NEK10: variants seen among roughly 807,000 people sequenced by gnomAD.
NEK10 encodes serine/threonine-protein kinase Nek10.
NEK10 carries 122 observed loss-of-function variants against 159.8 expected under a neutral mutation model. That is an observed-to-expected ratio of 0.76 (90% CI 0.66 to 0.89). The LOEUF is 0.89. NEK10 is among the 40% of genes least tolerant of loss of function. The probability of loss-of-function intolerance (pLI) is 0.00; values close to 1 mark genes in which losing one functional copy is unlikely to be tolerated. For missense variants in NEK10, 1,342 were observed against 1,323.1 expected, an observed-to-expected ratio of 1.01 and a Z score of -0.22; for synonymous variants, 466 against 457.1, an observed-to-expected ratio of 1.02 and a Z score of -0.25.
At chr3:27,114,955 C>G (rs958205474) in intron 35 of NEK10, among the ~76,000 whole-genome samples, 5 of 152,182 alleles carry the variant, frequency 3.3e-5, no homozygotes, top group Admixed American at 3.3e-4. Context: ...CACTTCAAAG[C>G]ACGCTGGCAG....
rs754164243 is a variant in NEK10, at chr3:27,322,167, T to C, written c.447+10A>G. ...CAAGTAAAAAAAAAAATTGTATTTT[T>C]CCAACCAACCTGATAACATGGATCC... is the stretch of plus-strand genomic sequence containing the variant. On this transcript the variant is annotated intron_variant, in intron 6 of 35. Transcript: ENST00000691995. 49 of 1,472,630 alleles carry C rather than the reference T, an allele frequency of 3.3e-5. No individual in the cohort carries two copies. Among genetic ancestry groups the C allele is most frequent in the Non-Finnish European group, 4.2e-5 (46 of 1,085,022 alleles). The allele number at this position is 1,472,630 out of a possible 1,614,324, so 91.2% of individuals were successfully genotyped here. A position where few individuals can be genotyped will look rare whatever the true frequency, so the allele number is the denominator to read the frequency against.
intron 22 of NEK10, among the ~76,000 whole-genome samples, chr3:27,266,411 T>C (rs1377084995): frequency 6.6e-6 from 1 of 152,180 alleles, no homozygotes; most frequent in African/African-American, 2.4e-5. Flanking sequence ...TTTGCAACTG[T>C]TCCTGCACCA....
intron 29 of NEK10, among the ~76,000 whole-genome samples, chr3:27,170,730 T>TA (rs1175936376): frequency 6.6e-6 from 1 of 151,888 alleles, no homozygotes; most frequent in African/African-American, 2.4e-5. Context: ...ATCTCAACAA[T>TA]AATAATAATA....
chr3:27,345,332 G>A (rs1227653237), intron 4 of NEK10, among the ~76,000 whole-genome samples: 1 of 152,128 alleles, frequency 6.6e-6, no homozygotes, highest in South Asian at 2.1e-4. Context: ...AAGTATTTAA[G>A]TGTTCCTCAC....
At chr3:27,263,019 T>C (rs562873407) in intron 22 of NEK10, among the ~76,000 whole-genome samples, 1 of 152,334 alleles carries the variant, frequency 6.6e-6, no homozygotes, top group African/African-American at 2.4e-5. Flanking sequence ...TCCTGTTTGT[T>C]AGTTTTCCTT....
At chr3:27,203,004 AC>A (rs1336931468) in intron 23 of NEK10, among the ~76,000 whole-genome samples, 1 of 152,152 alleles carries the variant, frequency 6.6e-6, no homozygotes, top group Non-Finnish European at 1.5e-5. Flanking sequence ...AGTGACAATA[AC>A]CTGATTAGAG....
chr3:27,204,596 G>T, intron 23 of NEK10, among the ~76,000 whole-genome samples: 2 of 122,866 alleles, frequency 1.6e-5, no homozygotes, highest in Non-Finnish European at 1.7e-5. Flanking sequence ...TACTGAGAAT[G>T]ATGATTTCCA....
intron 2 of NEK10, 115 bp downstream of exon 2, chr3:27,352,697 C>G (rs2149825068): frequency 2.4e-6 from 2 of 830,882 alleles, no homozygotes; most frequent in Non-Finnish European, 4.1e-6. Flanking sequence ...TCAGTAAGCA[C>G]TGTAACTCTG....
intron 26 of NEK10, among the ~76,000 whole-genome samples, chr3:27,176,064 T>A (rs973936101): frequency 1.3e-5 from 2 of 152,154 alleles, no homozygotes; most frequent in Non-Finnish European, 2.9e-5. Context: ...AAACCTAAGA[T>A]CTTAGGGATA....
intron 13 of NEK10, 68 bp from the exon 14 acceptor site, chr3:27,297,308 T>TGTGGAG: frequency 1.0e-6 from 1 of 1,002,216 alleles, no homozygotes; most frequent in Non-Finnish European, 1.6e-6. Flanking sequence ...ATAAATACTC[T>TGTGGAG]TACTCCACAG....
At chr3:27,364,348 T>TTTTGTGTGTGTG (rs1431340158) in intron 1 of NEK10, among the ~76,000 whole-genome samples, 1 of 120,568 alleles carries the variant, frequency 8.3e-6, no homozygotes, top group African/African-American at 3.1e-5. Flanking sequence ...GCCTGGCTAA[T>TTTTGTGTGTGTG]TGTGTGTGTG....
intron 23 of NEK10, among the ~76,000 whole-genome samples, chr3:27,247,551 T>A (rs1032149064): frequency 6.6e-6 from 1 of 151,902 alleles, no homozygotes; most frequent in Non-Finnish European, 1.5e-5. Context: ...TTTTATTTTA[T>A]TTTTTTGAGA....
At chr3:27,202,605 G>T in intron 23 of NEK10, 48 bp from the exon 24 acceptor site, 2 of 1,425,056 alleles carry the variant, frequency 1.4e-6, no homozygotes, top group Non-Finnish European at 1.9e-6. Flanking sequence ...GGGAGAATCC[G>T]CTCAGAAAGA....
At chr3:27,359,948 G>T (rs1331863262) in intron 1 of NEK10, among the ~76,000 whole-genome samples, 1 of 152,132 alleles carries the variant, frequency 6.6e-6, no homozygotes, top group Non-Finnish European at 1.5e-5. Context: ...GTATGCTTTA[G>T]AAAACTATAA....
At chr3:27,126,762 A>T (rs960379336) in intron 32 of NEK10, among the ~76,000 whole-genome samples, 2 of 151,968 alleles carry the variant, frequency 1.3e-5, no homozygotes, top group African/African-American at 4.8e-5. Flanking sequence ...CTGGGAGCAA[A>T]AAAAAAACAA....
intron 32 of NEK10, among the ~76,000 whole-genome samples, chr3:27,130,181 T>C (rs1942450064): frequency 6.6e-6 from 1 of 152,226 alleles, no homozygotes; most frequent in Non-Finnish European, 1.5e-5. Flanking sequence ...CATGGGCTTG[T>C]AGTATCAGAC....
At chr3:27,286,545 CTTT>C (rs36101281) in intron 20 of NEK10, among the ~76,000 whole-genome samples, 4 of 65,046 alleles carry the variant, frequency 6.1e-5, no homozygotes, top group South Asian at 5.7e-4. Flanking sequence ...CCACGCCCAG[CTTT>C]TTTTTTTTTT....
chr3:27,204,315 T>TTTTTTGTTTTGTTTTG (rs1950323519), intron 23 of NEK10, among the ~76,000 whole-genome samples: 2 of 113,258 alleles, frequency 1.8e-5, no homozygotes, highest in Non-Finnish European at 3.7e-5. Flanking sequence ...TTTTTTTTTT[T>TTTTTTGTTTTGTTTTG]TTTTTTATTA....
At chr3:27,331,237 C>CAAAAAAAAAAAACAAAAA (rs397972389) in intron 5 of NEK10, among the ~76,000 whole-genome samples, 1 of 29,570 alleles carries the variant, frequency 3.4e-5, no homozygotes, top group African/African-American at 5.8e-5. Flanking sequence ...GACTCTGTCT[C>CAAAAAAAAAAAACAAAAA]AAAAAAAAAA....
Sources: allele counts gnomAD v4.1 joint callset (sites outside exome capture counted in the v4.1 genomes callset), GRCh38; gene constraint gnomAD v4.1.1; transcripts MANE v1.5; gene names NCBI Gene and HGNC (gene_info 2026-07-23, HGNC 2026-07-21).